Variants in PWP2 observed in about 807,000 individuals in gnomAD.
The protein encoded by PWP2 is periodic tryptophan protein 2 homolog.
For synonymous variants in PWP2, 24 were observed against 45.4 expected, an observed-to-expected ratio of 0.53 and a Z score of 1.89; for missense variants, 35 against 114.1, an observed-to-expected ratio of 0.31 and a Z score of 3.16.
In PWP2 at chr21:44,125,514, GCACA is replaced by G. The variant is rs2039310057; in HGVS notation, c.1966-496_1966-493del. The G allele has an allele frequency of 3.1e-5, 2 of 64,026 alleles. 1 individual carries two copies. Among genetic ancestry groups the G allele is most frequent in the African/African-American group, 6.5e-5 (2 of 30,776 alleles). 4.0% of individuals were successfully genotyped at this position (64,026 alleles called of 1,614,324 possible). Reference sequence around the variant, plus strand: ...CACTGGTGCCTGCCCTTCCCCCTCAGCACAGCCCTCGGCTCAGGTCCCACTCACA... The same window carrying G: ...CACTGGTGCCTGCCCTTCCCCCTCAGGCCCTCGGCTCAGGTCCCACTCACA... On this transcript the variant is annotated intron_variant, in intron 15 of 20. Transcript: ENST00000291576.
chr21:44,119,463 G>A lies in PWP2; in HGVS notation c.1128G>A (p.Met376Ile). 1.9e-6 allele frequency: 1 copy of A among 534,172 alleles called. No homozygotes were observed. Among genetic ancestry groups the A allele is most frequent in the Non-Finnish European group, 3.0e-6 (1 of 338,724 alleles). The allele number at this position is 534,172 out of a possible 1,614,324, so 33.1% of individuals were successfully genotyped here. ...VLKQQGHFNS[M>I]VALAYSPDGQ... ...AGCAGCAGGGCCACTTCAACAGCAT[G>A]GTGGCCCTGGCCTACTCGCCCGACG... The change falls in exon 10 of 21, where the codon ATG (methionine) becomes ATA (isoleucine). Residue 376 changes from methionine (M) to isoleucine (I), a missense_variant. Coordinates refer to ENST00000291576, the MANE Select transcript of PWP2 (RefSeq NM_005049.3).
chr21:44,121,011 C>T lies in PWP2; in HGVS notation c.1545C>T (p.Val515=), dbSNP rs549536183. 1 of 627,438 alleles carries T rather than the reference C, an allele frequency of 1.6e-6. No homozygotes were observed. The highest frequency in any genetic ancestry group is 2.6e-6 in the Non-Finnish European group (1 of 391,684). 38.9% of individuals were successfully genotyped at this position (627,438 alleles called of 1,614,324 possible). The change falls in exon 13 of 21, where the codon GTC becomes GTT. Residue 515 remains valine, a synonymous_variant. Coordinates refer to ENST00000291576, the MANE Select transcript of PWP2 (RefSeq NM_005049.3). The part of the protein sequence containing the change: ...SGLCFNPMKS[V]LASASWDKTV... ...TGTGTTTTAACCCAATGAAGTCCGT[C>T]CTGGCCAGTGCCTCCTGGGACAAGA...
At chr21:44,112,591 C>T (rs2039222122) in intron 2 of PWP2, among the ~76,000 whole-genome samples, 1 of 52,478 alleles carries the variant, frequency 1.9e-5, no homozygotes, top group African/African-American at 4.7e-5. Flanking sequence ...GACTACAGCA[C>T]ACGCTAGTAG....
chr21:44,120,299 G>A lies in PWP2; in HGVS notation c.1189-49G>A, dbSNP rs377359881. 7.0e-6 allele frequency: 4 copies of A among 574,512 alleles called. 2 individuals carry two copies. The highest frequency in any genetic ancestry group is 1.1e-5 in the Non-Finnish European group (4 of 375,862). 35.6% of individuals were successfully genotyped at this position (574,512 alleles called of 1,614,324 possible). A position where few individuals can be genotyped will look rare whatever the true frequency, so the allele number is the denominator to read the frequency against. Reference sequence around the variant, plus strand: ...GGGGACAGGGATCCTGGCCGAAGCCGTGGCACACAGGGTTGGGGTCTGCCC... The same window carrying A: ...GGGGACAGGGATCCTGGCCGAAGCCATGGCACACAGGGTTGGGGTCTGCCC... On this transcript the variant is annotated intron_variant, in intron 10 of 20. Transcript: ENST00000291576.
rs202145204 is a variant in PWP2 at position 44,107,463 on chromosome 21, G to A, written c.18+29G>A. 1.3e-4 allele frequency: 161 copies of A among 1,247,424 alleles called. 22 individuals carry two copies. The highest frequency in any genetic ancestry group is 2.5e-4 in the South Asian group (18 of 73,450). 77.3% of individuals were successfully genotyped at this position (1,247,424 alleles called of 1,614,324 possible). A position where few individuals can be genotyped will look rare whatever the true frequency, so the allele number is the denominator to read the frequency against. ...AGCGCGGGCGGCGGGCGGTCTGTTG[G>A]ATCGGCGCGGCTCTTCCGGTGGACG... is the stretch of plus-strand genomic sequence containing the variant. On this transcript the variant is annotated intron_variant, in intron 1 of 20. Transcript: ENST00000291576.
At position 44,118,578 on chromosome 21, in the gene PWP2, CA is replaced by C. The variant is rs1386311570; in HGVS notation, c.981-184del. ...TCCGCCTCCCAATGTGCTGGGATGA[CA>C]GGCGTGAGCCACTGCACCCAGCCCT... On this transcript the variant is annotated intron_variant, in intron 8 of 20. Coordinates refer to ENST00000291576, the MANE Select transcript of PWP2 (RefSeq NM_005049.3). Among the ~76,000 whole-genome samples, 2 of 70,528 alleles carry C rather than the reference CA, an allele frequency of 2.8e-5. 1 individual carries two copies. Among genetic ancestry groups the C allele is most frequent in the Admixed American group, 3.1e-4 (2 of 6,448 alleles). 46.3% of individuals were successfully genotyped at this position (70,528 alleles called of 152,430 possible).
chr21:44,112,112 T>C (rs1209790641), intron 2 of PWP2, among the ~76,000 whole-genome samples: 1 of 74,238 alleles, frequency 1.3e-5, no homozygotes, highest in South Asian at 3.5e-4. Context: ...ATCAACTTAG[T>C]TGATAAAACG....
chr21:44,107,428 T>C lies in PWP2; in HGVS notation c.12T>C (p.Ala4=). 1 of 1,409,168 alleles carries C rather than the reference T, an allele frequency of 7.1e-7. No homozygotes were observed. Among genetic ancestry groups the C allele is most frequent in the Non-Finnish European group, 9.4e-7 (1 of 1,060,796 alleles). The allele number at this position is 1,409,168 out of a possible 1,614,324, so 87.3% of individuals were successfully genotyped here. The change falls in exon 1 of 21, where the codon GCT becomes GCC. Residue 4 remains alanine (A), a synonymous_variant. Coordinates refer to ENST00000291576, the MANE Select transcript of PWP2 (RefSeq NM_005049.3). Reference sequence around the variant, plus strand: ...GTGCGACGGCCGTGATGAAGTTCGCTTACCGGGTGAGCGCGGGCGGCGGGC... The same window carrying C: ...GTGCGACGGCCGTGATGAAGTTCGCCTACCGGGTGAGCGCGGGCGGCGGGC... The part of the protein sequence containing the change: MKF[A]YRFSNLLGTV...
rs371130592 is a variant in PWP2, at chr21:44,107,926, G to T, written c.18+492G>T. On this transcript the variant is annotated intron_variant, in intron 1 of 20. Coordinates refer to ENST00000291576, the MANE Select transcript of PWP2 (RefSeq NM_005049.3). Reference sequence around the variant, plus strand: ...CCCGAGGCCGGAGGGAATTCCTGAGGCGGACGCCCTCAGCTTTGAGAGCCA... The same window carrying T: ...CCCGAGGCCGGAGGGAATTCCTGAGTCGGACGCCCTCAGCTTTGAGAGCCA... Among the ~76,000 whole-genome samples, 6 of 54,536 alleles carry T rather than the reference G, an allele frequency of 1.1e-4. 2 individuals are homozygous for T. Among genetic ancestry groups the T allele is most frequent in the African/African-American group, 1.5e-4 (4 of 26,418 alleles). The allele number at this position is 54,536 out of a possible 152,430, so 35.8% of individuals were successfully genotyped here. A position where few individuals can be genotyped will look rare whatever the true frequency, so the allele number is the denominator to read the frequency against.
rs536300301 is a variant in PWP2, at chr21:44,117,131, C to T, written c.837-689C>T. On this transcript the variant is annotated intron_variant, in intron 7 of 20. Transcript: ENST00000291576. ...CCGTGAGTCCGTGCCCGTCAGTGCCCGCGGGGACTTGGGGGTGTTGTGCTG... is the reference window on the plus strand; with the variant it reads ...CCGTGAGTCCGTGCCCGTCAGTGCCTGCGGGGACTTGGGGGTGTTGTGCTG... 5.5e-5 allele frequency among the ~76,000 whole-genome samples: 4 copies of T among 73,318 alleles called. 2 individuals carry two copies. Among genetic ancestry groups the T allele is most frequent in the Admixed American group, 2.9e-4 (2 of 6,856 alleles). The allele number at this position is 73,318 out of a possible 152,430, so 48.1% of individuals were successfully genotyped here. A position where few individuals can be genotyped will look rare whatever the true frequency, so the allele number is the denominator to read the frequency against.
In PWP2 at chr21:44,120,152, T is replaced by G. The variant is rs141202206; in HGVS notation, c.1189-196T>G. ...GGTCTCAGGGATGGGGTTTCAGTCA[T>G]GTGCGGGGATCTCGGATGGAGTGTC... On this transcript the variant is annotated intron_variant, in intron 10 of 20. Coordinates refer to ENST00000291576, the MANE Select transcript of PWP2 (RefSeq NM_005049.3). 3.6e-3 allele frequency among the ~76,000 whole-genome samples: 32 copies of G among 8,978 alleles called. 1 individual carries two copies. Among genetic ancestry groups the G allele is most frequent in the African/African-American group, 8.4e-3 (31 of 3,708 alleles). 5.9% of individuals were successfully genotyped at this position (8,978 alleles called of 152,430 possible). A position where few individuals can be genotyped will look rare whatever the true frequency, so the allele number is the denominator to read the frequency against.
In PWP2 at chr21:44,118,695, C is replaced by T. The variant is rs114105464; in HGVS notation, c.981-68C>T. 9.7e-4 allele frequency: 382 copies of T among 393,718 alleles called. 22 individuals carry two copies. Among genetic ancestry groups the T allele is most frequent in the African/African-American group, 6.9e-3 (374 of 53,918 alleles). The allele number at this position is 393,718 out of a possible 1,614,324, so 24.4% of individuals were successfully genotyped here. A position where few individuals can be genotyped will look rare whatever the true frequency, so the allele number is the denominator to read the frequency against. On this transcript the variant is annotated intron_variant, in intron 8 of 20. Coordinates refer to ENST00000291576, the MANE Select transcript of PWP2 (RefSeq NM_005049.3). The stretch of plus-strand genomic sequence containing the variant: ...GGATAGAATCTGGTGTCTGGGGCTG[C>T]CCTGAGTGGGCACTGGGGCTTCAGC...
rs367644050 is a variant in PWP2, at chr21:44,129,122, T to A, written c.2585+496T>A. ...GACAGGGCCTGGCCCTCCGCAGTGC[T>A]CACTCTGCAGGGGTGCCCGCCTCTT... is the stretch of plus-strand genomic sequence containing the variant. On this transcript the variant is annotated intron_variant, in intron 20 of 20. Transcript: ENST00000291576. 7.8e-4 allele frequency among the ~76,000 whole-genome samples: 56 copies of A among 71,974 alleles called. 24 individuals are homozygous for A. The East Asian group carries it at 0.014, about 18-fold the overall frequency. The allele number at this position is 71,974 out of a possible 152,430, so 47.2% of individuals were successfully genotyped here.
At chr21:44,118,449 T>C (rs151012302) in intron 8 of PWP2, among the ~76,000 whole-genome samples, 1 of 29,488 alleles carries the variant, frequency 3.4e-5, no homozygotes, top group African/African-American at 6.2e-5. Context: ...GGGCCACAGG[T>C]GTGCGCCACT....
intron 2 of PWP2, among the ~76,000 whole-genome samples, chr21:44,110,905 ATAAAT>A (rs1311990785): frequency 3.8e-5 from 2 of 52,246 alleles, no homozygotes; most frequent in African/African-American, 8.0e-5. Flanking sequence ...CTAAAAATAA[ATAAAT>A]TAAAAAAAAA....
At position 44,114,177 on chromosome 21, in the gene PWP2, A is replaced by AG; in HGVS notation, c.230dup. ...GCGGTGGTGACCTCTGGCGTCCTGC[A>AG]GGGGGCGATGCGCTGCTGGTCAGCC... On this transcript the variant is annotated splice_acceptor_variant, in intron 3 of 20. Coordinates refer to ENST00000291576, the MANE Select transcript of PWP2 (RefSeq NM_005049.3). LOFTEE classifies it high-confidence loss of function. The AG allele has an allele frequency of 2.3e-5, 11 of 476,930 alleles. No individual in the cohort carries two copies. Among genetic ancestry groups the AG allele is most frequent in the Non-Finnish European group, 3.4e-5 (9 of 265,762 alleles). 29.5% of individuals were successfully genotyped at this position (476,930 alleles called of 1,614,324 possible). A position where few individuals can be genotyped will look rare whatever the true frequency, so the allele number is the denominator to read the frequency against.
At chr21:44,119,204 G>A (rs2039271000) in intron 9 of PWP2, 183 bp from the exon 10 acceptor site, 1 of 184,518 alleles carries the variant, frequency 5.4e-6, no homozygotes, top group African/African-American at 2.3e-5. Flanking sequence ...CACGGGCGGG[G>A]CCCATCACTG....
In PWP2 at chr21:44,111,260, C is replaced by T. The variant is rs188866819; in HGVS notation, c.131+2164C>T. Among the ~76,000 whole-genome samples the T allele has an allele frequency of 5.7e-4, 42 of 73,946 alleles. 12 individuals carry two copies. The highest frequency in any genetic ancestry group is 2.4e-3 in the Admixed American group (16 of 6,604). 48.5% of individuals were successfully genotyped at this position (73,946 alleles called of 152,430 possible). A position where few individuals can be genotyped will look rare whatever the true frequency, so the allele number is the denominator to read the frequency against. ...GGTCACCCATGAGCTCCAATGGAGACGCATAAGGAGATGCTGTCTTCATGC... is the reference window on the plus strand; with the variant it reads ...GGTCACCCATGAGCTCCAATGGAGATGCATAAGGAGATGCTGTCTTCATGC... On this transcript the variant is annotated intron_variant, in intron 2 of 20. Transcript: ENST00000291576.
chr21:44,130,942 AG>A lies in PWP2; in HGVS notation c.*172del, dbSNP rs1483327434. ...ACACATGTAGCCCATCAGGACAGCG[AG>A]CCGACGGGTCACGCCAGGGGCCGGC... On this transcript the variant is annotated 3_prime_UTR_variant, in exon 21 of 21. Coordinates refer to ENST00000291576, the MANE Select transcript of PWP2 (RefSeq NM_005049.3). The A allele has an allele frequency of 3.2e-5, 1 of 31,144 alleles. No individual in the cohort carries two copies. Among genetic ancestry groups the A allele is most frequent in the African/African-American group, 6.5e-5 (1 of 15,380 alleles). 1.9% of individuals were successfully genotyped at this position (31,144 alleles called of 1,614,324 possible). A position where few individuals can be genotyped will look rare whatever the true frequency, so the allele number is the denominator to read the frequency against.
Sources: allele counts gnomAD v4.1 joint callset (sites outside exome capture counted in the v4.1 genomes callset), GRCh38; gene constraint gnomAD v4.1.1; transcripts MANE v1.5; gene names NCBI Gene and HGNC (gene_info 2026-07-23, HGNC 2026-07-21).